HMCN2: variants seen among roughly 807,000 people sequenced by gnomAD.
The protein encoded by HMCN2 is hemicentin-2.
In HMCN2, 325 loss-of-function variants were observed where a neutral mutation model predicts 377.5. The observed-to-expected ratio is 0.86, with a 90% CI of 0.79 to 0.94. HMCN2 has a LOEUF of 0.94. HMCN2 is among the 40% of genes least tolerant of loss of function. The pLI is 0.00. For synonymous variants in HMCN2, 2,007 were observed against 2,046.8 expected, an observed-to-expected ratio of 0.98 and a Z score of 0.53; for missense variants, 4,543 against 4,725.3, an observed-to-expected ratio of 0.96 and a Z score of 1.13.
intron 15 of HMCN2, among the ~76,000 whole-genome samples, chr9:130,317,657 G>C (rs1014373972): frequency 8.7e-5 from 13 of 149,926 alleles, no homozygotes; most frequent in African/African-American, 2.5e-4. Context: ...ACCATGCCTG[G>C]CTAATTTATA....
At chr9:130,286,344 C>T (rs1554927744) in intron 4 of HMCN2, 34 bp downstream of exon 4, 7 of 469,466 alleles carry the variant, frequency 1.5e-5, no homozygotes, top group Non-Finnish European at 8.8e-6. Flanking sequence ...TCCCGGAGCC[C>T]ATCACTCGGG....
At chr9:130,330,426 T>C in intron 22 of HMCN2, among the ~76,000 whole-genome samples, 1 of 152,300 alleles carries the variant, frequency 6.6e-6, no homozygotes, top group Middle Eastern at 3.4e-3. Context: ...GATGGCACCA[T>C]GCCCAGTGCA....
chr9:130,338,805 A>C (rs1315722509), intron 23 of HMCN2, among the ~76,000 whole-genome samples: 3 of 152,282 alleles, frequency 2.0e-5, no homozygotes, highest in Admixed American at 1.3e-4. Flanking sequence ...GAGCCAGTGA[A>C]GAATGGCTTC....
chr9:130,393,451 G>A lies in HMCN2; in HGVS notation c.10234+142G>A, dbSNP rs1017857290. ...GAGCGGACACTGCGGCTCAGTCTCT[G>A]ACTCACTGTATTGCTCGTTTGTACC... On this transcript the variant is annotated intron_variant, in intron 67 of 97. Coordinates refer to ENST00000683500, the MANE Select transcript of HMCN2 (RefSeq NM_001291815.2). This position sits in a 1 kb window ranked among gnomAD's most constrained non-coding sequence, Gnocchi z 5.2. 3.3e-5 allele frequency: 16 copies of A among 483,924 alleles called. No homozygotes were observed. Among genetic ancestry groups the A allele is most frequent in the Non-Finnish European group, 4.5e-5 (16 of 354,076 alleles). 30.0% of individuals were successfully genotyped at this position (483,924 alleles called of 1,614,324 possible).
At chr9:130,364,968 A>G (rs1011759789) in intron 41 of HMCN2, 79 bp downstream of exon 41, 2 of 842,656 alleles carry the variant, frequency 2.4e-6, no homozygotes, top group Non-Finnish European at 2.9e-6. Context: ...GCCCCAGCTC[A>G]GTGACCTGCA....
At chr9:130,430,959 AGG>A in intron 95 of HMCN2, 1 of 279,496 alleles carries the variant, frequency 3.6e-6, no homozygotes, top group Non-Finnish European at 6.6e-6. Context: ...TCAGGGGTGA[AGG>A]AGAATGTTCC....
intron 77 of HMCN2, among the ~76,000 whole-genome samples, chr9:130,401,527 T>C (rs1216456086): frequency 6.6e-6 from 1 of 152,152 alleles, no homozygotes; most frequent in Non-Finnish European, 1.5e-5. Flanking sequence ...TTCACTATGT[T>C]GGCCAGGCTG....
chr9:130,299,385 T>G (rs1340805592), intron 8 of HMCN2, 97 bp downstream of exon 8: 2 of 363,952 alleles, frequency 5.5e-6, no homozygotes. Flanking sequence ...TAAATTAGAT[T>G]AGAAAGTGTT....
At chr9:130,359,733 A>G (rs1196389840) in intron 37 of HMCN2, among the ~76,000 whole-genome samples, 8 of 152,052 alleles carry the variant, frequency 5.3e-5, no homozygotes, top group Admixed American at 5.2e-4. Context: ...CCTCTAGACC[A>G]GAAGTGGAGG....
In HMCN2 at chr9:130,391,030, C is replaced by T. The variant is rs1447686192; in HGVS notation, c.9577C>T (p.Arg3193Cys). The T allele has an allele frequency of 3.0e-5, 30 of 987,726 alleles. No homozygotes were observed. The highest frequency in any genetic ancestry group is 2.3e-4 in the East Asian group (2 of 8,794). The allele number at this position is 987,726 out of a possible 1,614,324, so 61.2% of individuals were successfully genotyped here. The stretch of plus-strand genomic sequence containing the variant: ...CCGGGGGGGCCGCCTCCAGCTGAGC[C>T]GCCTGCAACCGGCCCAGGCGGGCAC... ...VSRGGRLQLS[R>C]LQPAQAGTYT... is the part of the protein sequence containing the mutation. Residue 3193 changes from arginine to cysteine, a missense_variant, in exon 63 of 98, where the codon CGC (arginine) becomes TGC (cysteine). Coordinates refer to ENST00000683500, the MANE Select transcript of HMCN2 (RefSeq NM_001291815.2).
In HMCN2 at chr9:130,429,715, C is replaced by T. The variant is rs1217859441; in HGVS notation, c.14326+30C>T. On this transcript the variant is annotated intron_variant, in intron 94 of 97. Transcript: ENST00000683500. The stretch of plus-strand genomic sequence containing the variant: ...GGGGACACCCACCCTCTGGCCACAC[C>T]GCTGCAGCTGCCCCAGGGGTTACCG... 5.4e-5 allele frequency: 71 copies of T among 1,313,522 alleles called. 3 individuals carry two copies. The highest frequency in any genetic ancestry group is 2.4e-4 in the East Asian group (9 of 36,904). The allele number at this position is 1,313,522 out of a possible 1,614,324, so 81.4% of individuals were successfully genotyped here.
intron 96 of HMCN2, 94 bp from the exon 97 acceptor site, chr9:130,432,335 G>C: frequency 8.6e-7 from 1 of 1,161,120 alleles, no homozygotes; most frequent in African/African-American, 1.5e-5. Context: ...CACCTCACTG[G>C]TCCCCCAAAG....
chr9:130,281,310 T>G (rs923000806), intron 1 of HMCN2, among the ~76,000 whole-genome samples: 4 of 151,904 alleles, frequency 2.6e-5, no homozygotes, highest in Non-Finnish European at 5.9e-5. Context: ...GCTTCCACGT[T>G]CTCCTCTGTA....
At chr9:130,277,490 G>A (rs1834757922) in intron 1 of HMCN2, among the ~76,000 whole-genome samples, 1 of 152,116 alleles carries the variant, frequency 6.6e-6, no homozygotes, top group South Asian at 2.1e-4. Context: ...CATTTCTACT[G>A]CTTCCTGGTT....
intron 6 of HMCN2, 23 bp downstream of exon 6, chr9:130,295,795 G>T (rs782323867): frequency 2.1e-6 from 1 of 469,976 alleles, no homozygotes; most frequent in Non-Finnish European, 4.4e-6. Flanking sequence ...GGTTGCAGGA[G>T]AAAGGTCGAC....
At chr9:130,356,347 C>T (rs1423241581) in intron 34 of HMCN2, 90 bp downstream of exon 34, 25 of 1,160,994 alleles carry the variant, frequency 2.2e-5, no homozygotes, top group South Asian at 3.0e-5. Flanking sequence ...TGGAAGGGCA[C>T]GGGGCTGGTC....
intron 22 of HMCN2, among the ~76,000 whole-genome samples, chr9:130,331,871 T>A (rs1838449256): frequency 6.6e-6 from 1 of 152,140 alleles, no homozygotes; most frequent in African/African-American, 2.4e-5. Flanking sequence ...CCCAGCGCGG[T>A]GTGGGGGCAG....
chr9:130,292,806 C>A (rs1181110336), intron 4 of HMCN2, among the ~76,000 whole-genome samples: 2 of 152,162 alleles, frequency 1.3e-5, no homozygotes, highest in Non-Finnish European at 2.9e-5. Flanking sequence ...TCATCCCAGG[C>A]TCACCTTATA....
At chr9:130,383,409 C>T (rs1841837288) in intron 56 of HMCN2, 95 bp from the exon 57 acceptor site, 2 of 468,236 alleles carry the variant, frequency 4.3e-6, no homozygotes, top group Non-Finnish European at 5.6e-6. Flanking sequence ...GCTTCCCTGG[C>T]ATGGGATGGG....
Sources: gnomAD v4.1 joint callset for allele counts (sites outside exome capture counted in the v4.1 genomes callset) on GRCh38, gnomAD v4.1.1 for gene constraint, Gnocchi (gnomAD v3.1) non-coding constraint, MANE v1.5 for transcripts, NCBI Gene and HGNC (gene_info 2026-07-23, HGNC 2026-07-21) for gene names.